Variants in FAM3C observed in about 807,000 individuals in gnomAD.
FAM3C encodes protein FAM3C.
A neutral mutation model predicts 32.5 loss-of-function variants in FAM3C; 15 were observed. The ratio of observed to expected loss-of-function variants is 0.46; its 90% CI spans 0.31 to 0.71. The LOEUF is 0.71. FAM3C is among the 30% of genes least tolerant of loss of function. The probability of loss-of-function intolerance (pLI) is 0.05; values close to 1 mark genes in which losing one functional copy is unlikely to be tolerated. For synonymous variants in FAM3C, 75 were observed against 86.1 expected (o/e 0.87, Z 0.72); for missense variants, 175 against 274.4 (o/e 0.64, Z 2.56).
intron 3 of FAM3C, among the ~76,000 whole-genome samples, chr7:121,377,930 C>T (rs1486805072): frequency 1.3e-5 from 2 of 152,166 alleles, no homozygotes; most frequent in Admixed American, 6.5e-5. Flanking sequence ...CCGAATGATG[C>T]ATTTTTCAGA....
chr7:121,354,556 C>T (rs928564735), intron 8 of FAM3C, among the ~76,000 whole-genome samples: 7 of 152,122 alleles, frequency 4.6e-5, no homozygotes, highest in African/African-American at 1.4e-4. Flanking sequence ...CCTACAGTTG[C>T]ACCATCAAAC....
Position 121,372,764 on chromosome 7 carries a change from A to G in FAM3C, c.119-625T>C, listed in dbSNP as rs1794173494. On this transcript the variant is annotated intron_variant, in intron 3 of 9. Coordinates refer to ENST00000359943, the MANE Select transcript of FAM3C (RefSeq NM_014888.3). ...ACATCTGATCCCAGCCCAGGAGATT[A>G]TAACTCAGATCATCAGAGTATTGTG... is the stretch of plus-strand genomic sequence containing the variant. 2.6e-5 allele frequency among the ~76,000 whole-genome samples: 4 copies of G among 152,326 alleles called. No homozygotes were observed. In the South Asian group the frequency reaches 8.3e-4, roughly 32 times the overall value.
intron 5 of FAM3C, among the ~76,000 whole-genome samples, chr7:121,369,979 T>A (rs781292386): frequency 1.3e-5 from 2 of 152,198 alleles, no homozygotes; most frequent in Non-Finnish European, 2.9e-5. Context: ...AAAATTCACA[T>A]GCATCAAGGG....
chr7:121,358,465 A>C (rs1793854970), intron 8 of FAM3C, among the ~76,000 whole-genome samples: 1 of 152,094 alleles, frequency 6.6e-6, no homozygotes, highest in South Asian at 2.1e-4. Flanking sequence ...TCTAGAAAGA[A>C]GAACATTAAA....
intron 1 of FAM3C, among the ~76,000 whole-genome samples, chr7:121,392,855 GAAT>G (rs531736081): frequency 1.4e-4 from 21 of 152,280 alleles, no homozygotes; most frequent in African/African-American, 4.8e-4. Flanking sequence ...ATATAGAATG[GAAT>G]ATTACTCACC....
At chr7:121,394,408 A>C (rs1375706051) in intron 1 of FAM3C, among the ~76,000 whole-genome samples, 2 of 152,210 alleles carry the variant, frequency 1.3e-5, no homozygotes, top group Non-Finnish European at 2.9e-5. Context: ...GTAATAAAAC[A>C]TCCATTAAGT....
intron 2 of FAM3C, among the ~76,000 whole-genome samples, chr7:121,381,933 T>A (rs1794365400): frequency 6.6e-6 from 1 of 152,204 alleles, no homozygotes; most frequent in Non-Finnish European, 1.5e-5. Flanking sequence ...ATGACCACAG[T>A]ATGAAGACTG....
In FAM3C at chr7:121,351,153, G is replaced by A; in HGVS notation, c.584C>T (p.Pro195Leu). 6.2e-7 allele frequency: 1 copy of A among 1,613,286 alleles called. No individual in the cohort carries two copies. The highest frequency in any genetic ancestry group is 8.5e-7 in the Non-Finnish European group (1 of 1,179,618). ...GTCTATGACACTAACCTGTTCAAAA[G>A]GGCTTTTTGTCTTAATGCCCTTCCC... Reference protein sequence around the residue: ...CGGKGIKTKSPFEQHIKNNKD... With the variant: ...CGGKGIKTKSLFEQHIKNNKD... Residue 195 changes from proline to leucine, a missense_variant, in exon 9 of 10, where the codon CCT becomes CTT. Physicochemically the swap from Pro to Leu is moderately conservative, Grantham distance 98. Coordinates refer to ENST00000359943, the MANE Select transcript of FAM3C (RefSeq NM_014888.3).
intron 1 of FAM3C, among the ~76,000 whole-genome samples, chr7:121,384,621 A>G (rs1048140217): frequency 1.1e-4 from 17 of 152,214 alleles, no homozygotes; most frequent in Non-Finnish European, 5.9e-5. Context: ...TGCTGCATGT[A>G]CCTGCCACCC....
At chr7:121,372,337 G>A (rs537044665) in intron 3 of FAM3C, among the ~76,000 whole-genome samples, 198 bp from the exon 4 acceptor site, 30 of 152,130 alleles carry the variant, frequency 2.0e-4, no homozygotes, top group African/African-American at 2.7e-4. Flanking sequence ...AATTATGGAG[G>A]ATAGTATTTT....
chr7:121,374,426 A>G (rs1794203919), intron 3 of FAM3C, among the ~76,000 whole-genome samples: 1 of 152,224 alleles, frequency 6.6e-6, no homozygotes, highest in South Asian at 2.1e-4. Context: ...CATATAATAA[A>G]TATAAAGCTA....
At chr7:121,386,898 C>T (rs927574617) in intron 1 of FAM3C, among the ~76,000 whole-genome samples, 1 of 151,998 alleles carries the variant, frequency 6.6e-6, no homozygotes, top group African/African-American at 2.4e-5. Context: ...GTTGCATTTA[C>T]AAACAAAAGC....
intron 7 of FAM3C, among the ~76,000 whole-genome samples, chr7:121,361,498 G>A (rs186926603): frequency 1.3e-5 from 2 of 152,286 alleles, no homozygotes; most frequent in Admixed American, 6.5e-5. Context: ...GAATACCAGA[G>A]CTCCTGGTCA....
rs544942658 is a variant in FAM3C at position 121,359,374 on chromosome 7, A to C, written c.467+669T>G. 7.2e-5 allele frequency among the ~76,000 whole-genome samples: 11 copies of C among 152,150 alleles called. No individual in the cohort carries two copies. The East Asian group carries it at 1.9e-3, about 27-fold the overall frequency. On this transcript the variant is annotated intron_variant, in intron 8 of 9. Coordinates refer to ENST00000359943, the MANE Select transcript of FAM3C (RefSeq NM_014888.3). Reference sequence around the variant, plus strand: ...GGCAGGCATAAACAATTTTTTATAAAGAATATTTAATAATAAGGGGAAATA... The same window carrying C: ...GGCAGGCATAAACAATTTTTTATAACGAATATTTAATAATAAGGGGAAATA...
intron 1 of FAM3C, among the ~76,000 whole-genome samples, chr7:121,393,388 T>C (rs1794618941): frequency 6.6e-6 from 1 of 152,162 alleles, no homozygotes; most frequent in African/African-American, 2.4e-5. Flanking sequence ...CAGTGAGTTA[T>C]GATCACACCA....
Position 121,388,340 on chromosome 7 carries a change from GC to G in FAM3C, c.-41-5331del. On this transcript the variant is annotated intron_variant, in intron 1 of 9. Transcript: ENST00000359943. The stretch of plus-strand genomic sequence containing the variant: ...AAGGGAGATTTTTACATGACTACCA[GC>G]AACTAGAAAAGTATCCCAGATTTTT... 2.0e-5 allele frequency among the ~76,000 whole-genome samples: 3 copies of G among 151,752 alleles called. No homozygotes were observed. The South Asian group carries it at 6.2e-4, about 32-fold the overall frequency.
At chr7:121,389,209 A>ATC (rs1794529160) in intron 1 of FAM3C, among the ~76,000 whole-genome samples, 2 of 152,296 alleles carry the variant, frequency 1.3e-5, no homozygotes, top group East Asian at 3.9e-4. Flanking sequence ...AAGTATTCCA[A>ATC]CATGATTCAT....
intron 5 of FAM3C, among the ~76,000 whole-genome samples, chr7:121,365,967 C>A (rs7806944): frequency 7.2e-4 from 110 of 152,194 alleles, no homozygotes; most frequent in African/African-American, 2.6e-3. Context: ...ATGCTAGACA[C>A]CACTAATCAT....
chr7:121,380,323 A>T (rs1562891100), intron 2 of FAM3C: 1 of 152,166 alleles, frequency 6.6e-6, no homozygotes, highest in Non-Finnish European at 1.5e-5. Context: ...AAATATCAAG[A>T]CGATAACACA....
Sources: allele counts gnomAD v4.1 joint callset (sites outside exome capture counted in the v4.1 genomes callset), GRCh38; gene constraint gnomAD v4.1.1; transcripts MANE v1.5; gene names NCBI Gene and HGNC (gene_info 2026-07-23, HGNC 2026-07-21).